The following RASAL2 variants were observed in gnomAD, a reference collection of about 807,000 sequenced individuals.
RASAL2 encodes ras GTPase-activating protein nGAP.
RASAL2 carries 58 observed loss-of-function variants against 128.9 expected under a neutral mutation model. The observed-to-expected ratio is 0.45, with a 90% CI of 0.36 to 0.56. The LOEUF (loss-of-function observed/expected upper bound fraction) is 0.56, where lower values mean the gene tolerates loss of function less well. RASAL2 is among the 20% of genes least tolerant of loss of function. RASAL2 has a pLI of 0.00. For missense variants in RASAL2, 1,360 were observed against 1,601.6 expected (o/e 0.85, Z 2.57); for synonymous variants, 561 against 580.8 (o/e 0.97, Z 0.49).
chr1:178,232,909 A>T (rs1664070489), intron 1 of RASAL2, among the ~76,000 whole-genome samples: 1 of 152,194 alleles, frequency 6.6e-6, no homozygotes, highest in Admixed American at 6.5e-5. Context: ...CTACTGGTCC[A>T]TAAAGGTGTT....
intron 3 of RASAL2, among the ~76,000 whole-genome samples, chr1:178,362,984 T>A (rs1055139806): frequency 3.9e-5 from 6 of 152,210 alleles, no homozygotes; most frequent in African/African-American, 9.7e-5. Context: ...CAGATTTTTT[T>A]AATAAGATTG....
At chr1:178,398,737 A>G (rs574313964) in intron 4 of RASAL2, among the ~76,000 whole-genome samples, 1 of 152,190 alleles carries the variant, frequency 6.6e-6, no homozygotes, top group South Asian at 2.1e-4. Flanking sequence ...AGTGCTGCAC[A>G]TTTCTTCAGT....
At chr1:178,311,253 AACACAC>A (rs67243509) in intron 3 of RASAL2, among the ~76,000 whole-genome samples, 145 of 143,676 alleles carry the variant, frequency 1.0e-3, no homozygotes, top group African/African-American at 2.0e-3. Context: ...CACACACACA[AACACAC>A]ACACACACAC....
chr1:178,186,281 T>C (rs73051440), intron 1 of RASAL2, among the ~76,000 whole-genome samples: 1,987 of 152,094 alleles, frequency 0.013, 44 homozygotes, highest in African/African-American at 0.045. Context: ...TATTTTCTTA[T>C]ACTGGGTAGA....
chr1:178,461,673 G>T (rs1445865959), intron 14 of RASAL2, among the ~76,000 whole-genome samples: 1 of 152,138 alleles, frequency 6.6e-6, no homozygotes, highest in Non-Finnish European at 1.5e-5. Context: ...CTGTTAATAT[G>T]ATGCTGCAGT....
chr1:178,172,614 A>G (rs1459296581), intron 1 of RASAL2, among the ~76,000 whole-genome samples: 5 of 152,070 alleles, frequency 3.3e-5, no homozygotes, highest in Non-Finnish European at 7.4e-5. Flanking sequence ...GTGATTATAT[A>G]GTAATACCTA....
intron 1 of RASAL2, among the ~76,000 whole-genome samples, chr1:178,244,597 T>G (rs1571693727): frequency 6.6e-6 from 1 of 152,230 alleles, no homozygotes; most frequent in South Asian, 2.1e-4. Flanking sequence ...CTGGGATATA[T>G]GTGCTTAATG....
intron 1 of RASAL2, among the ~76,000 whole-genome samples, chr1:178,193,712 A>G (rs1324435343): frequency 1.3e-5 from 2 of 152,130 alleles, no homozygotes; most frequent in Non-Finnish European, 2.9e-5. Flanking sequence ...TTGTACCTAA[A>G]CACTTAGATT....
chr1:178,270,697 C>G (rs901070081), intron 1 of RASAL2, among the ~76,000 whole-genome samples: 3 of 149,514 alleles, frequency 2.0e-5, no homozygotes, highest in Admixed American at 1.3e-4. Flanking sequence ...TCTTGTTGGT[C>G]TGCTTCAGAT....
intron 1 of RASAL2, among the ~76,000 whole-genome samples, chr1:178,251,432 G>T (rs1009497305): frequency 6.6e-6 from 1 of 152,148 alleles, no homozygotes; most frequent in African/African-American, 2.4e-5. Context: ...CTTAAGAAAT[G>T]TAGATACTTG....
intron 1 of RASAL2, among the ~76,000 whole-genome samples, chr1:178,115,236 A>G (rs2102258309): frequency 6.6e-6 from 1 of 152,328 alleles, no homozygotes; most frequent in East Asian, 1.9e-4. Context: ...TTGAAGGAAT[A>G]TGTCCATTTT....
intron 1 of RASAL2, among the ~76,000 whole-genome samples, chr1:178,255,439 G>A (rs772352347): frequency 1.3e-5 from 2 of 152,030 alleles, no homozygotes; most frequent in Admixed American, 6.6e-5. Flanking sequence ...AATTACGCAC[G>A]AAAGACATGG....
In RASAL2 at chr1:178,171,168, T is replaced by A. The variant is rs56807720; in HGVS notation, c.202+76474T>A. ...TTATGTCTGTGCCATCCAAAAGTAA[T>A]TTCTACTCCTTAAGACATGAGTTGA... On this transcript the variant is annotated intron_variant, in intron 1 of 17. Transcript: ENST00000367649. Among the ~76,000 whole-genome samples the A allele has an allele frequency of 2.2e-3, 329 of 152,026 alleles. 5 individuals are homozygous for A. In the East Asian group the frequency reaches 0.055, roughly 25 times the overall value.
chr1:178,433,171 C>T (rs1334158358), intron 5 of RASAL2, among the ~76,000 whole-genome samples: 1 of 152,106 alleles, frequency 6.6e-6, no homozygotes, highest in Admixed American at 6.6e-5. Flanking sequence ...CACAGCCTTG[C>T]ATACTGTCAT....
intron 15 of RASAL2, among the ~76,000 whole-genome samples, chr1:178,465,398 C>G (rs574941650): frequency 7.2e-5 from 11 of 152,258 alleles, no homozygotes; most frequent in Non-Finnish European, 1.0e-4. Context: ...AGGGCTGATT[C>G]TAGTAGAACA....
intron 3 of RASAL2, among the ~76,000 whole-genome samples, chr1:178,367,896 A>T (rs1272867426): frequency 6.6e-6 from 1 of 152,248 alleles, no homozygotes; most frequent in Non-Finnish European, 1.5e-5. Flanking sequence ...AAGTACTGAA[A>T]ATATGTTGCC....
At chr1:178,356,926 A>ATTATACTTGTTATACTTGTTAT (rs1670843752) in intron 3 of RASAL2, among the ~76,000 whole-genome samples, 1 of 152,184 alleles carries the variant, frequency 6.6e-6, no homozygotes, top group Admixed American at 6.5e-5. Context: ...TGTTATCCTT[A>ATTATACTTGTTATACTTGTTAT]AAGGCTGCAT....
intron 1 of RASAL2, among the ~76,000 whole-genome samples, chr1:178,269,275 A>G (rs1227318711): frequency 6.6e-6 from 1 of 152,246 alleles, no homozygotes; most frequent in East Asian, 1.9e-4. Context: ...CATAACCTCC[A>G]GAACTATGTG....
Position 178,473,133 on chromosome 1 carries a change from A to T in RASAL2, c.3737A>T (p.Gln1246Leu). The T allele has an allele frequency of 6.2e-7, 1 of 1,614,230 alleles. No individual in the cohort carries two copies. The change falls in exon 18 of 18, where the codon CAA (glutamine) becomes CTA (leucine). Residue 1246 changes from glutamine (Q) to leucine (L), a missense_variant. Coordinates refer to ENST00000367649, the MANE Select transcript of RASAL2 (RefSeq NM_170692.4). Reference sequence around the variant, plus strand: ...ACCAGACTGATGAGCGCGCTGACCCAAGTGAAGGAGCGGTACAGCATGCAG... The same window carrying T: ...ACCAGACTGATGAGCGCGCTGACCCTAGTGAAGGAGCGGTACAGCATGCAG... The part of the protein sequence containing the change: ...ANTRLMSALT[Q>L]VKERYSMQVR...
Sources: allele counts gnomAD v4.1 joint callset (sites outside exome capture counted in the v4.1 genomes callset), GRCh38; gene constraint gnomAD v4.1.1; transcripts MANE v1.5; gene names NCBI Gene and HGNC (gene_info 2026-07-23, HGNC 2026-07-21).